The following CTNNA1 variants were observed in gnomAD, a reference collection of about 807,000 sequenced individuals.
CTNNA1 encodes catenin alpha 1.
A neutral mutation model predicts 98.4 loss-of-function variants in CTNNA1; 37 were observed. The observed-to-expected ratio is 0.38, with a 90% CI of 0.29 to 0.49. The LOEUF is 0.49. Among genes scored for constraint, CTNNA1 ranks in the 20% least tolerant of loss-of-function variants. The pLI is 0.95. For missense variants in CTNNA1, 761 were observed against 1,147.2 expected, an observed-to-expected ratio of 0.66 and a Z score of 4.86; for synonymous variants, 404 against 413.2, an observed-to-expected ratio of 0.98 and a Z score of 0.27.
chr5:138,892,334 T>G (rs920168138), intron 9 of CTNNA1, among the ~76,000 whole-genome samples: 2 of 68,332 alleles, frequency 2.9e-5, no homozygotes, highest in African/African-American at 1.1e-4. Flanking sequence ...CTTAGTTTTT[T>G]TTTTTTTTTT....
chr5:138,782,498 T>G (rs1224989831), intron 2 of CTNNA1: 1 of 283,838 alleles, frequency 3.5e-6, no homozygotes, highest in East Asian at 1.0e-4. Context: ...GTACTTTTAG[T>G]GTTTTACAAT....
At chr5:138,829,936 G>A (rs1480072725) in intron 7 of CTNNA1, among the ~76,000 whole-genome samples, 1 of 152,018 alleles carries the variant, frequency 6.6e-6, no homozygotes, top group African/African-American at 2.4e-5. Context: ...GGAGGCTGAG[G>A]CGGGCAGATC....
rs761378383 is a variant in CTNNA1, at chr5:138,873,962, C to T, written c.1063-12250C>T. 1 of 1,614,034 alleles carries T rather than the reference C, an allele frequency of 6.2e-7. No individual in the cohort carries two copies. Among genetic ancestry groups the T allele is most frequent in the Non-Finnish European group, 8.5e-7 (1 of 1,179,902 alleles). ...TCTCAGTTTAATTAATCCTGCAAAT[C>T]CATTGCGAGCCAAACTTCGCAAACG... On this transcript the variant is annotated intron_variant, in intron 7 of 17. Transcript: ENST00000302763. This position sits in a 1 kb window ranked among gnomAD's most constrained non-coding sequence, Gnocchi z 6.1.
At position 138,771,301 on chromosome 5, in the gene CTNNA1, C is replaced by G. The variant is rs147345850; in HGVS notation, c.-2-10622C>G. Among the ~76,000 whole-genome samples the G allele has an allele frequency of 4.8e-3, 723 of 151,876 alleles. 3 individuals are homozygous for G. The highest frequency in any genetic ancestry group is 0.015 in the African/African-American group (608 of 41,454). The stretch of plus-strand genomic sequence containing the variant: ...TGTAGCACAGCAGTTCCAACTGCTC[C>G]CATTGCCTTTGGTGCCCTCAAGAAA... On this transcript the variant is annotated intron_variant, in intron 1 of 17. Transcript: ENST00000302763.
chr5:138,759,320 T>C (rs1752057757), intron 1 of CTNNA1, among the ~76,000 whole-genome samples: 1 of 152,250 alleles, frequency 6.6e-6, no homozygotes, highest in Non-Finnish European at 1.5e-5. Context: ...AGGATCAGCC[T>C]GAGATACAAA....
intron 7 of CTNNA1, among the ~76,000 whole-genome samples, chr5:138,828,483 A>G (rs1760948460): frequency 6.6e-6 from 1 of 152,022 alleles, no homozygotes; most frequent in South Asian, 2.1e-4. Flanking sequence ...ATTTAATGCT[A>G]GCTTAGGGTT....
At chr5:138,756,707 G>A (rs1751689807) in intron 1 of CTNNA1, among the ~76,000 whole-genome samples, 1 of 152,182 alleles carries the variant, frequency 6.6e-6, no homozygotes, top group Non-Finnish European at 1.5e-5. Context: ...AGGCCATGTT[G>A]GGGTTTTATT....
chr5:138,893,277 AG>A (rs1190103300), intron 9 of CTNNA1, among the ~76,000 whole-genome samples: 1 of 152,152 alleles, frequency 6.6e-6, no homozygotes, highest in Non-Finnish European at 1.5e-5. Flanking sequence ...TTTGGGCAGC[AG>A]CCTCACTTTG....
At chr5:138,843,084 G>T (rs1762407064) in intron 7 of CTNNA1, among the ~76,000 whole-genome samples, 1 of 152,142 alleles carries the variant, frequency 6.6e-6, no homozygotes, top group South Asian at 2.1e-4. Context: ...TAACCCTCAA[G>T]ATTTGAACAG....
chr5:138,881,028 T>TGTAAGAAG (rs1752791219), intron 7 of CTNNA1: 1 of 456,178 alleles, frequency 2.2e-6, no homozygotes, highest in African/African-American at 2.0e-5. Flanking sequence ...TTTCTTACTC[T>TGTAAGAAG]GTACGGTTTA....
chr5:138,925,469 A>G, intron 13 of CTNNA1, 62 bp downstream of exon 13: 1 of 1,581,868 alleles, frequency 6.3e-7, no homozygotes, highest in Non-Finnish European at 8.6e-7. Flanking sequence ...AAACTTGAGC[A>G]ATGCGTCATT....
At chr5:138,791,293 A>G (rs528876599) in intron 3 of CTNNA1, among the ~76,000 whole-genome samples, 1 of 152,270 alleles carries the variant, frequency 6.6e-6, no homozygotes, top group African/African-American at 2.4e-5. Context: ...GTTAAGTACT[A>G]AATCTCAATC....
chr5:138,845,645 C>G (rs1762646919), intron 7 of CTNNA1, among the ~76,000 whole-genome samples: 1 of 152,164 alleles, frequency 6.6e-6, no homozygotes. Flanking sequence ...CTTGGTCCCC[C>G]TTTTCATAAA....
chr5:138,812,117 G>T, intron 4 of CTNNA1, 66 bp from the exon 5 acceptor site: 1 of 1,448,132 alleles, frequency 6.9e-7, no homozygotes, highest in Non-Finnish European at 9.5e-7. Flanking sequence ...AAATTCCTAG[G>T]ATGCCATCTT....
chr5:138,899,396 A>G (rs139617620), intron 9 of CTNNA1, among the ~76,000 whole-genome samples: 97 of 152,386 alleles, frequency 6.4e-4, no homozygotes, highest in African/African-American at 2.2e-3. Context: ...AACCATATAC[A>G]TAACATAATT....
intron 7 of CTNNA1, among the ~76,000 whole-genome samples, chr5:138,864,211 C>T (rs777112140): frequency 2.5e-4 from 38 of 152,154 alleles, no homozygotes; most frequent in Non-Finnish European, 4.6e-4. Flanking sequence ...TCCTGCCTTC[C>T]AGAGTGCTGG....
At chr5:138,921,740 A>G (rs562994812) in intron 11 of CTNNA1, among the ~76,000 whole-genome samples, 4 of 151,050 alleles carry the variant, frequency 2.6e-5, no homozygotes, top group Non-Finnish European at 5.9e-5. Context: ...AGCTGGGATT[A>G]CAGGTGCCTG....
chr5:138,807,136 G>A (rs1446113932), intron 3 of CTNNA1, among the ~76,000 whole-genome samples: 2 of 150,042 alleles, frequency 1.3e-5, no homozygotes, highest in African/African-American at 2.5e-5. Flanking sequence ...TCAGCCTCCC[G>A]AGTAACTGGG....
chr5:138,811,035 C>A, intron 4 of CTNNA1, among the ~76,000 whole-genome samples: 1 of 152,010 alleles, frequency 6.6e-6, no homozygotes, highest in South Asian at 2.1e-4. Flanking sequence ...CACCTCCCTC[C>A]CGGACGGGGT....
Sources: allele counts gnomAD v4.1 joint callset (sites outside exome capture counted in the v4.1 genomes callset), GRCh38; gene constraint gnomAD v4.1.1; non-coding constraint Gnocchi (gnomAD v3.1); transcripts MANE v1.5; gene names NCBI Gene and HGNC (gene_info 2026-07-23, HGNC 2026-07-21).